Variants in CACNB2 observed in about 807,000 individuals in gnomAD.
CACNB2 encodes the protein voltage-dependent L-type calcium channel subunit beta-2.
CACNB2 carries 42 observed loss-of-function variants against 73.3 expected under a neutral mutation model. The observed-to-expected ratio is 0.57, with a 90% CI of 0.45 to 0.74. The LOEUF (loss-of-function observed/expected upper bound fraction) is 0.74, where lower values mean the gene tolerates loss of function less well. Ranked by LOEUF, CACNB2 falls within the 30% of genes least tolerant of loss-of-function variation. The pLI is 0.00. For synonymous variants in CACNB2, 348 were observed against 310.3 expected (o/e 1.12, Z -1.28); for missense variants, 940 against 853.0 (o/e 1.10, Z -1.27).
intron 2 of CACNB2, among the ~76,000 whole-genome samples, chr10:18,302,304 T>G (rs1253717249): frequency 6.6e-6 from 1 of 152,132 alleles, no homozygotes; most frequent in African/African-American, 2.4e-5. Context: ...GTAGCAGTCT[T>G]CCAAGCTGCT....
intron 2 of CACNB2, among the ~76,000 whole-genome samples, chr10:18,398,810 T>C (rs1281282251): frequency 3.3e-5 from 5 of 152,048 alleles, no homozygotes; most frequent in Non-Finnish European, 7.4e-5. Context: ...TAAAGATCAA[T>C]TGGTAGTCAC....
At chr10:18,435,867 T>A (rs1231660361) in intron 3 of CACNB2, among the ~76,000 whole-genome samples, 1 of 149,362 alleles carries the variant, frequency 6.7e-6, no homozygotes, top group Non-Finnish European at 1.5e-5. Flanking sequence ...TGCACCTATA[T>A]GTAAAATCAC....
At chr10:18,425,062 A>G (rs2045526661) in intron 3 of CACNB2, among the ~76,000 whole-genome samples, 1 of 152,202 alleles carries the variant, frequency 6.6e-6, no homozygotes, top group Non-Finnish European at 1.5e-5. Flanking sequence ...TCATACTATC[A>G]CTGTAGGAGA....
At chr10:18,176,291 A>G (rs1176375644) in intron 2 of CACNB2, among the ~76,000 whole-genome samples, 1 of 152,194 alleles carries the variant, frequency 6.6e-6, no homozygotes, top group Non-Finnish European at 1.5e-5. Flanking sequence ...ATTATGAAAG[A>G]GAGACAGTCT....
At chr10:18,255,786 C>G (rs561966253) in intron 2 of CACNB2, among the ~76,000 whole-genome samples, 1 of 152,138 alleles carries the variant, frequency 6.6e-6, no homozygotes, top group African/African-American at 2.4e-5. Flanking sequence ...GAAGACGGAC[C>G]CTTCTTTCCT....
intron 2 of CACNB2, among the ~76,000 whole-genome samples, chr10:18,313,232 T>A (rs1047110362): frequency 1.3e-5 from 2 of 151,268 alleles, no homozygotes; most frequent in Non-Finnish European, 2.9e-5. Context: ...ATTTTATGAA[T>A]CTAGTATCGC....
chr10:18,416,780 C>T (rs964530690), intron 3 of CACNB2, among the ~76,000 whole-genome samples: 5 of 152,088 alleles, frequency 3.3e-5, no homozygotes, highest in African/African-American at 1.2e-4. Context: ...TTTAACTTCC[C>T]GTTGTATTGT....
intron 2 of CACNB2, among the ~76,000 whole-genome samples, chr10:18,351,207 G>A (rs1473609989): frequency 1.1e-4 from 16 of 150,482 alleles, no homozygotes; most frequent in Non-Finnish European, 2.1e-4. Context: ...TTCTCATCAG[G>A]CTTTCTTGGG....
intron 3 of CACNB2, among the ~76,000 whole-genome samples, chr10:18,433,616 C>G (rs2045992182): frequency 6.6e-6 from 1 of 152,050 alleles, no homozygotes; most frequent in South Asian, 2.1e-4. Flanking sequence ...CATGCAAATA[C>G]TAGATGTAAT....
intron 2 of CACNB2, among the ~76,000 whole-genome samples, chr10:18,267,465 G>A (rs566552561): frequency 9.9e-5 from 15 of 152,194 alleles, no homozygotes; most frequent in African/African-American, 2.9e-4. Context: ...AATTAGCCAG[G>A]TGTGGTGGCG....
intron 7 of CACNB2, chr10:18,514,831 C>A: frequency 1.4e-6 from 1 of 706,178 alleles, no homozygotes; most frequent in Non-Finnish European, 2.5e-6. Context: ...TATTCTATCT[C>A]TTTCTTTTAT....
intron 2 of CACNB2, among the ~76,000 whole-genome samples, chr10:18,207,395 G>A (rs1211705578): frequency 6.6e-6 from 1 of 152,152 alleles, no homozygotes; most frequent in African/African-American, 2.4e-5. Flanking sequence ...GTCTGACTTA[G>A]AAATTAAACT....
chr10:18,371,513 C>T (rs1228270664), intron 2 of CACNB2, among the ~76,000 whole-genome samples: 1 of 152,142 alleles, frequency 6.6e-6, no homozygotes, highest in South Asian at 2.1e-4. Context: ...CCAGCTTCAT[C>T]CATGTCCCTA....
chr10:18,534,546 T>C (rs922488282), intron 11 of CACNB2, among the ~76,000 whole-genome samples: 2 of 152,196 alleles, frequency 1.3e-5, no homozygotes, highest in African/African-American at 2.4e-5. Flanking sequence ...GCAAAAGCAA[T>C]GGTGGGTAAA....
chr10:18,447,592 CAGAG>C (rs1288365929), intron 3 of CACNB2, among the ~76,000 whole-genome samples: 2 of 151,902 alleles, frequency 1.3e-5, no homozygotes, highest in African/African-American at 4.8e-5. Context: ...TCAAATGCTG[CAGAG>C]AGAGGAGTGG....
chr10:18,150,813 G>A (rs914570217), intron 1 of CACNB2, 70 bp from the exon 2 acceptor site: 19 of 963,510 alleles, frequency 2.0e-5, no homozygotes, highest in East Asian at 1.9e-4. Flanking sequence ...CTGCAACTAG[G>A]CCTACATTCC....
intron 3 of CACNB2, among the ~76,000 whole-genome samples, chr10:18,412,292 G>A (rs1184602241): frequency 6.6e-6 from 1 of 152,152 alleles, no homozygotes; most frequent in Non-Finnish European, 1.5e-5. Context: ...GGTGGGATAT[G>A]TTGCAACCAC....
At chr10:18,412,555 C>T (rs1010305786) in intron 3 of CACNB2, among the ~76,000 whole-genome samples, 17 of 152,206 alleles carry the variant, frequency 1.1e-4, no homozygotes, top group African/African-American at 4.1e-4. Flanking sequence ...ACTTCCTAAT[C>T]ACAAAGCCAC....
intron 1 of CACNB2, among the ~76,000 whole-genome samples, chr10:18,142,486 G>A (rs2030522694): frequency 6.6e-6 from 1 of 152,052 alleles, no homozygotes; most frequent in Non-Finnish European, 1.5e-5. Flanking sequence ...AAATGTACCC[G>A]GAGACCTCGG....
Sources: allele counts gnomAD v4.1 joint callset (sites outside exome capture counted in the v4.1 genomes callset), GRCh38; gene constraint gnomAD v4.1.1; transcripts MANE v1.5; gene names NCBI Gene and HGNC (gene_info 2026-07-23, HGNC 2026-07-21).